Variants in PKHD1L1 observed in about 807,000 individuals in gnomAD.
PKHD1L1 encodes the protein PKHD1 like 1.
Under a neutral mutation model 462.9 loss-of-function variants are expected in PKHD1L1, and 434 were observed. That is an observed-to-expected ratio of 0.94 (90% CI 0.87 to 1.02). PKHD1L1 has a LOEUF of 1.02. Among genes scored for constraint, PKHD1L1 ranks in the 50% least tolerant of loss-of-function variants. The pLI, the probability that PKHD1L1 is intolerant of heterozygous loss-of-function variation, is 0.00. For missense variants in PKHD1L1, 5,202 were observed against 5,096.1 expected (o/e 1.02, Z -0.63); for synonymous variants, 1,781 against 1,750.0 (o/e 1.02, Z -0.44).
At chr8:109,379,518 A>T (rs901693275) in intron 2 of PKHD1L1, among the ~76,000 whole-genome samples, 2 of 152,192 alleles carry the variant, frequency 1.3e-5, no homozygotes, top group East Asian at 1.9e-4. Flanking sequence ...TTGGGGAAAA[A>T]CATCCTGTGG....
chr8:109,515,365 GTGTC>G, intron 72 of PKHD1L1, 60 bp downstream of exon 72: 1 of 1,263,082 alleles, frequency 7.9e-7, no homozygotes. Flanking sequence ...AATATTTTAA[GTGTC>G]TGATTATTAG....
At position 109,445,493 on chromosome 8, in the gene PKHD1L1, T is replaced by C; in HGVS notation, c.5624T>C (p.Ile1875Thr). Residue 1875 changes from isoleucine to threonine, a missense_variant, in exon 38 of 78, where the codon ATC becomes ACC. By Grantham distance (89) the Ile-to-Thr change is moderately conservative (BLOSUM62 -1). This residue lies in a region of PKHD1L1 where 4,497 missense variants were observed against 4,336.8 expected (regional missense o/e 1.04). Transcript: ENST00000378402. ...IGDEPCQIIS[I>T]NPNEVYCRTP... ...GATGAACCTTGTCAAATTATTTCCA[T>C]CAACCCCAATGAAGTCTACTGCCGC... 6.2e-7 allele frequency: 1 copy of C among 1,613,768 alleles called. No individual in the cohort carries two copies. Among genetic ancestry groups the C allele is most frequent in the Non-Finnish European group, 8.5e-7 (1 of 1,179,818 alleles).
intron 24 of PKHD1L1, among the ~76,000 whole-genome samples, chr8:109,425,584 A>T (rs1814704429): frequency 6.6e-6 from 1 of 152,102 alleles, no homozygotes; most frequent in African/African-American, 2.4e-5. Flanking sequence ...ACAATTTTTT[A>T]TAGCCATTTT....
At chr8:109,404,041 AC>A (rs1563741565) in intron 14 of PKHD1L1, among the ~76,000 whole-genome samples, 1 of 152,132 alleles carries the variant, frequency 6.6e-6, no homozygotes, top group East Asian at 1.9e-4. Flanking sequence ...AGTAAATCTG[AC>A]CGGTAAAAGT....
intron 62 of PKHD1L1, 79 bp from the exon 63 acceptor site, chr8:109,493,582 A>G (rs948343723): frequency 2.5e-6 from 2 of 809,478 alleles, no homozygotes; most frequent in South Asian, 2.5e-5. Context: ...TCATAAGTGT[A>G]TTGTCATATA....
rs921570411 is a variant in PKHD1L1, at chr8:109,394,380, C to T, written c.741-35C>T. On this transcript the variant is annotated intron_variant, in intron 9 of 77. Coordinates refer to ENST00000378402, the MANE Select transcript of PKHD1L1 (RefSeq NM_177531.6). The stretch of plus-strand genomic sequence containing the variant: ...AAAAAAATGTTCCTAAATTAAAGAT[C>T]ATTTAAAGCAGAAAATTTAATCTTT... The T allele has an allele frequency of 3.0e-6, 4 of 1,330,732 alleles. No homozygotes were observed. The African/African-American group carries it at 4.5e-5, about 15-fold the overall frequency. 82.4% of individuals were successfully genotyped at this position (1,330,732 alleles called of 1,614,324 possible).
Position 109,485,144 on chromosome 8 carries a change from T to C in PKHD1L1, c.9677T>C (p.Leu3226Pro). 1 of 1,595,562 alleles carries C rather than the reference T, an allele frequency of 6.3e-7. No individual in the cohort carries two copies. Among genetic ancestry groups the C allele is most frequent in the Non-Finnish European group, 8.5e-7 (1 of 1,169,916 alleles). ...KILHDHKILI[L>P]NDSLSYTHFA... ...CTGCATGATCATAAAATTCTCATTC[T>C]TAATGATAGCCTTTCCTATACTCAC... Residue 3226 changes from leucine to proline, a missense_variant, in exon 58 of 78, where the codon CTT (leucine) becomes CCT (proline). Leu to Pro is a moderately conservative substitution (Grantham distance 98, BLOSUM62 -3). Coordinates refer to ENST00000378402, the MANE Select transcript of PKHD1L1 (RefSeq NM_177531.6).
At position 109,445,581 on chromosome 8, in the gene PKHD1L1, A is replaced by G; in HGVS notation, c.5712A>G (p.Pro1904=). ...VKIFVNTIAY[P]PLLFTYALED... ...TCTTTGTTAATACAATTGCTTATCC[A>G]CCTTTGCTTTTTACATATGCCCTGG... The change falls in exon 38 of 78, where the codon CCA becomes CCG. Residue 1904 remains proline, a synonymous_variant. Coordinates refer to ENST00000378402, the MANE Select transcript of PKHD1L1 (RefSeq NM_177531.6). 2 of 1,610,984 alleles carry G rather than the reference A, an allele frequency of 1.2e-6. No individual in the cohort carries two copies. The highest frequency in any genetic ancestry group is 1.1e-5 in the South Asian group (1 of 90,504).
At position 109,393,321 on chromosome 8, in the gene PKHD1L1, T is replaced by A. The variant is rs537967131; in HGVS notation, c.741-1094T>A. Among the ~76,000 whole-genome samples the A allele has an allele frequency of 2.0e-5, 3 of 152,284 alleles. 1 individual carries two copies. The highest frequency in any genetic ancestry group is 2.0e-4 in the Admixed American group (3 of 15,292). ...TATTCTTTTAGATTCTAATTCAGTGTGATTATGATGAATGAGATTTGAGTC... is the reference window on the plus strand; with the variant it reads ...TATTCTTTTAGATTCTAATTCAGTGAGATTATGATGAATGAGATTTGAGTC... On this transcript the variant is annotated intron_variant, in intron 9 of 77. Coordinates refer to ENST00000378402, the MANE Select transcript of PKHD1L1 (RefSeq NM_177531.6).
Position 109,405,023 on chromosome 8 carries a change from C to T in PKHD1L1, c.1562C>T (p.Thr521Ile). 2 of 1,519,124 alleles carry T rather than the reference C, an allele frequency of 1.3e-6. No individual in the cohort carries two copies. The highest frequency in any genetic ancestry group is 8.9e-7 in the Non-Finnish European group (1 of 1,127,250). The allele number at this position is 1,519,124 out of a possible 1,614,324, so 94.1% of individuals were successfully genotyped here. Residue 521 changes from threonine (T) to isoleucine (I), a missense_variant, in exon 16 of 78, where the codon ACT (threonine) becomes ATT (isoleucine). Transcript: ENST00000378402. ...ATAACATTGGAAAACTGGGAAACAA[C>T]TAATGCAATTAATGAGGTTCAGAAG... is the stretch of plus-strand genomic sequence containing the variant. Reference protein sequence around the residue: ...QVITLENWETTNAINEVQKIK... With the variant: ...QVITLENWETINAINEVQKIK...
chr8:109,384,243 T>TA (rs1022005785), intron 5 of PKHD1L1, 116 bp downstream of exon 5: 4 of 866,962 alleles, frequency 4.6e-6, no homozygotes, highest in Non-Finnish European at 7.2e-6. Context: ...TTTTTCATTA[T>TA]AAAAATAACT....
At chr8:109,422,570 T>G (rs1414004968) in intron 23 of PKHD1L1, among the ~76,000 whole-genome samples, 1 of 152,190 alleles carries the variant, frequency 6.6e-6, no homozygotes, top group Non-Finnish European at 1.5e-5. Context: ...TCATTTTAAT[T>G]GCTGAGTATA....
chr8:109,372,982 T>C (rs551624493), intron 2 of PKHD1L1, among the ~76,000 whole-genome samples: 9 of 152,300 alleles, frequency 5.9e-5, no homozygotes, highest in Non-Finnish European at 2.9e-5. Flanking sequence ...TTGTTGCATC[T>C]CTGCCCAGCT....
At chr8:109,400,702 T>C (rs1813229027) in intron 13 of PKHD1L1, among the ~76,000 whole-genome samples, 2 of 152,116 alleles carry the variant, frequency 1.3e-5, no homozygotes, top group African/African-American at 4.8e-5. Context: ...ATGTAATCAC[T>C]AGTTTTAATG....
rs1270546686 is a variant in PKHD1L1 at position 109,436,387 on chromosome 8, G to T, written c.3555G>T (p.Lys1185Asn). 11 of 1,613,188 alleles carry T rather than the reference G, an allele frequency of 6.8e-6. No individual in the cohort carries two copies. Among genetic ancestry groups the T allele is most frequent in the Non-Finnish European group, 8.5e-6 (10 of 1,179,690 alleles). ...LSGFGFNENS[K>N]VLVGNETCNV... ...GATTTGGCTTTAATGAAAATTCAAA[G>T]GTATTAGTTGGAAATGAAACCTGCA... Residue 1185 changes from lysine to asparagine, a missense_variant, in exon 30 of 78, where the codon AAG becomes AAT. Physicochemically the swap from Lys to Asn is moderately conservative, Grantham distance 94 (BLOSUM62 0). This residue lies in a region of PKHD1L1 where 4,497 missense variants were observed against 4,336.8 expected (regional missense o/e 1.04). Coordinates refer to ENST00000378402, the MANE Select transcript of PKHD1L1 (RefSeq NM_177531.6).
rs142824401 is a variant in PKHD1L1, at chr8:109,527,720, T to A, written c.12721+700T>A. Among the ~76,000 whole-genome samples the A allele has an allele frequency of 5.3e-4, 81 of 152,278 alleles. 2 individuals are homozygous for A. The East Asian group carries it at 0.014, about 27-fold the overall frequency. ...TATCTTCTAGAACCTCTGTCTCTTC[T>A]TCTCTTGGCTCCACTCTCTTTGGTG... is the stretch of plus-strand genomic sequence containing the variant. On this transcript the variant is annotated intron_variant, in intron 77 of 77. Transcript: ENST00000378402.
chr8:109,428,347 C>G (rs1286110022), intron 25 of PKHD1L1, among the ~76,000 whole-genome samples: 1 of 152,158 alleles, frequency 6.6e-6, no homozygotes, highest in African/African-American at 2.4e-5. Context: ...GAACACCATG[C>G]AGCCATGTGT....
chr8:109,409,753 T>A, intron 18 of PKHD1L1, 112 bp from the exon 19 acceptor site: 1 of 511,784 alleles, frequency 2.0e-6, no homozygotes, highest in East Asian at 3.5e-5. Context: ...GACTAAAATA[T>A]GGGAATTATG....
At chr8:109,372,268 T>G (rs1586369306) in intron 2 of PKHD1L1, among the ~76,000 whole-genome samples, 1 of 152,224 alleles carries the variant, frequency 6.6e-6, no homozygotes, top group East Asian at 1.9e-4. Context: ...TTGAAGCAAT[T>G]GTGAATGGGA....
Sources: allele counts gnomAD v4.1 joint callset (sites outside exome capture counted in the v4.1 genomes callset), GRCh38; gene constraint gnomAD v4.1.1; regional missense constraint gnomAD v4.1.1; transcripts MANE v1.5; gene names NCBI Gene and HGNC (gene_info 2026-07-23, HGNC 2026-07-21).